The following MYO16 variants were observed in gnomAD, a reference collection of about 807,000 sequenced individuals.
MYO16 encodes myosin XVI, also known as unconventional myosin-XVI.
MYO16 carries 94 observed loss-of-function variants against 205.3 expected under a neutral mutation model. The ratio of observed to expected loss-of-function variants is 0.46; its 90% CI spans 0.39 to 0.54. The LOEUF (loss-of-function observed/expected upper bound fraction) is 0.54, where lower values mean the gene tolerates loss of function less well. Ranked by LOEUF, MYO16 falls within the 20% of genes least tolerant of loss-of-function variation. The pLI, the probability that MYO16 is intolerant of heterozygous loss-of-function variation, is 0.00. For missense variants in MYO16, 2,315 were observed against 2,387.5 expected (o/e 0.97, Z 0.63); for synonymous variants, 988 against 954.0 (o/e 1.04, Z -0.66).
chr13:108,942,884 AAGC>A (rs949572623), intron 16 of MYO16, among the ~76,000 whole-genome samples: 10 of 152,192 alleles, frequency 6.6e-5, no homozygotes, highest in African/African-American at 2.2e-4. Context: ...TGCTTCCCCC[AAGC>A]AGCTTGGAGT....
rs547847972 is a variant in MYO16 at position 108,957,802 on chromosome 13, G to A, written c.2037+3G>A. 5.6e-6 allele frequency: 9 copies of A among 1,600,752 alleles called. No homozygotes were observed. The South Asian group carries it at 9.9e-5, about 18-fold the overall frequency. On this transcript the variant is annotated splice_donor_region_variant and intron_variant, in intron 17 of 34. Coordinates refer to ENST00000457511, the MANE Select transcript of MYO16 (RefSeq NM_001198950.3). Reference sequence around the variant, plus strand: ...ATGTAGTTGGCTTCAGCAGCTTGGTGAGTCATGTCATAAATATTTCACTGA... The same window carrying A: ...ATGTAGTTGGCTTCAGCAGCTTGGTAAGTCATGTCATAAATATTTCACTGA...
At position 108,753,383 on chromosome 13, in the gene MYO16, A is replaced by AAAAAAAAAAAAC. The variant is rs1555344223; in HGVS notation, c.507+25811_507+25812insCAAAAAAAAAAA. 2.1e-3 allele frequency among the ~76,000 whole-genome samples: 306 copies of AAAAAAAAAAAAC among 147,336 alleles called. 2 individuals are homozygous for AAAAAAAAAAAAC. The highest frequency in any genetic ancestry group is 7.7e-3 in the African/African-American group (289 of 37,308). On this transcript the variant is annotated intron_variant, in intron 4 of 34. Transcript: ENST00000457511. Reference sequence around the variant, plus strand: ...AAAACTCTGTGACAAAAAAAAAAAAAAAAAAAAAAAAACAATAAAATATAA... The same window carrying AAAAAAAAAAAAC: ...AAAACTCTGTGACAAAAAAAAAAAAAAAAAAAAAAAACAAAAAAAAAAAACAATAAAATATAA...
the MYO16 span, among the ~76,000 whole-genome samples, chr13:108,581,871 C>T: frequency 6.6e-3 from 923 of 139,766 alleles, 18 homozygotes; most frequent in African/African-American, 0.024. Context: ...AGAAGCGAAA[C>T]GCTGTCTCGA....
Position 109,006,763 on chromosome 13 carries a change from A to G in MYO16, c.2443-2134A>G, listed in dbSNP as rs1885399672. ...CCGGCTTTAAGTTTTGTCTAGTATAACATAGTGGTTTAGGGTGCAGATGAG... is the reference window on the plus strand; with the variant it reads ...CCGGCTTTAAGTTTTGTCTAGTATAGCATAGTGGTTTAGGGTGCAGATGAG... On this transcript the variant is annotated intron_variant, in intron 21 of 34. Coordinates refer to ENST00000457511, the MANE Select transcript of MYO16 (RefSeq NM_001198950.3). Among the ~76,000 whole-genome samples, 3 of 152,184 alleles carry G rather than the reference A, an allele frequency of 2.0e-5. No homozygotes were observed. The South Asian group carries it at 6.2e-4, about 31-fold the overall frequency.
chr13:108,541,487 A>G, the MYO16 span, among the ~76,000 whole-genome samples: 1 of 151,918 alleles, frequency 6.6e-6, no homozygotes, highest in Non-Finnish European at 1.5e-5. Context: ...TGAATAGATA[A>G]TTGATTTTAC....
chr13:108,754,346 G>A (rs1172406044), intron 4 of MYO16, among the ~76,000 whole-genome samples: 1 of 152,206 alleles, frequency 6.6e-6, no homozygotes, highest in African/African-American at 2.4e-5. Context: ...GAATATCTAA[G>A]AGATTGCTTA....
the MYO16 span, among the ~76,000 whole-genome samples, chr13:108,536,386 A>G: frequency 3.9e-4 from 56 of 143,550 alleles, 1 homozygote; most frequent in East Asian, 0.011. Flanking sequence ...GTTGAAAATA[A>G]TGTTGCAAGA....
chr13:109,112,286 AAAG>A (rs2139740295), intron 28 of MYO16, among the ~76,000 whole-genome samples: 1 of 152,318 alleles, frequency 6.6e-6, no homozygotes, highest in Non-Finnish European at 1.5e-5. Context: ...GGTGAGTTAA[AAAG>A]CAGATAAAGG....
chr13:108,721,517 T>C (rs1261038237), intron 3 of MYO16, among the ~76,000 whole-genome samples: 1 of 152,050 alleles, frequency 6.6e-6, no homozygotes, highest in Non-Finnish European at 1.5e-5. Context: ...TTATGTGGAG[T>C]AAGTGATATC....
At chr13:108,928,679 C>T (rs1023944001) in intron 16 of MYO16, among the ~76,000 whole-genome samples, 3 of 151,926 alleles carry the variant, frequency 2.0e-5, no homozygotes, top group African/African-American at 7.3e-5. Context: ...AGGACCACAC[C>T]CAATACTATA....
At chr13:108,818,956 G>A (rs1295610430) in intron 7 of MYO16, among the ~76,000 whole-genome samples, 1 of 152,136 alleles carries the variant, frequency 6.6e-6, no homozygotes, top group African/African-American at 2.4e-5. Flanking sequence ...TAAATGCCTG[G>A]TAATAAAGCT....
intron 32 of MYO16, among the ~76,000 whole-genome samples, chr13:109,160,969 G>C (rs140657157): frequency 6.6e-6 from 1 of 152,188 alleles, no homozygotes; most frequent in African/African-American, 2.4e-5. Context: ...CACTTTACGG[G>C]AGAACCCAAC....
chr13:108,918,676 C>T (rs1253211260), intron 16 of MYO16, among the ~76,000 whole-genome samples: 3 of 152,214 alleles, frequency 2.0e-5, no homozygotes, highest in African/African-American at 7.2e-5. Flanking sequence ...CTATGGCTCA[C>T]GCCTGTAATC....
rs368766346 is a variant in MYO16 at position 109,125,097 on chromosome 13, A to G, written c.3536-15A>G. ...CTTTTCCTCCATTTACTAACCCATG[A>G]TCCTTCTATAAAAGTTATCAGAGGA... is the stretch of plus-strand genomic sequence containing the variant. On this transcript the variant is annotated splice_polypyrimidine_tract_variant and intron_variant, in intron 29 of 34. Coordinates refer to ENST00000457511, the MANE Select transcript of MYO16 (RefSeq NM_001198950.3). This position sits in a 1 kb window ranked among gnomAD's most constrained non-coding sequence, Gnocchi z 4.0. 8.1e-6 allele frequency: 13 copies of G among 1,613,268 alleles called. No homozygotes were observed. Among genetic ancestry groups the G allele is most frequent in the Admixed American group, 1.7e-5 (1 of 59,920 alleles).
rs1279836510 is a variant in MYO16, at chr13:108,964,820, G to A, written c.2287G>A (p.Ala763Thr). ...TGCTGAGTTTTTCCGAGACCTCTTGGCCAAGTCCCTGTACAGTCGTTTGTT... is the reference window on the plus strand; with the variant it reads ...TGCTGAGTTTTTCCGAGACCTCTTGACCAAGTCCCTGTACAGTCGTTTGTT... ...QIAEFFRDLLAKSLYSRLFSF... is the reference protein window; with the variant it reads ...QIAEFFRDLLTKSLYSRLFSF... The change falls in exon 20 of 35, where the codon GCC (alanine) becomes ACC (threonine). Residue 763 changes from alanine (A) to threonine (T), a missense_variant. Physicochemically the swap from Ala to Thr is moderately conservative, Grantham distance 58. Coordinates refer to ENST00000457511, the MANE Select transcript of MYO16 (RefSeq NM_001198950.3). 1 of 1,613,922 alleles carries A rather than the reference G, an allele frequency of 6.2e-7. No homozygotes were observed. Among genetic ancestry groups the A allele is most frequent in the African/African-American group, 1.3e-5 (1 of 74,886 alleles).
intron 33 of MYO16, among the ~76,000 whole-genome samples, chr13:109,178,009 C>T (rs1462314015): frequency 6.6e-6 from 1 of 152,122 alleles, no homozygotes; most frequent in Non-Finnish European, 1.5e-5. Flanking sequence ...AAGAGGTGGT[C>T]CTTCACATGA....
intron 23 of MYO16, among the ~76,000 whole-genome samples, chr13:109,035,023 C>T (rs1886671348): frequency 6.6e-6 from 1 of 152,272 alleles, no homozygotes; most frequent in Non-Finnish European, 1.5e-5. Context: ...GAAGCAGAAA[C>T]TATAATAGAT....
chr13:108,840,819 A>G (rs1179314454), intron 9 of MYO16, among the ~76,000 whole-genome samples: 1 of 152,194 alleles, frequency 6.6e-6, no homozygotes, highest in African/African-American at 2.4e-5. Context: ...CATTCTTAAA[A>G]CCATAAAACA....
rs547400776 is a variant in MYO16 at position 108,938,883 on chromosome 13, G to T, written c.1926-18805G>T. 2.6e-5 allele frequency among the ~76,000 whole-genome samples: 4 copies of T among 152,328 alleles called. No individual in the cohort carries two copies. The East Asian group carries it at 7.7e-4, about 29-fold the overall frequency. ...ACCACAATCTCAGGGGAGTAGGCTG[G>T]TGAACCCATCAATGGCACACACAGA... On this transcript the variant is annotated intron_variant, in intron 16 of 34. Coordinates refer to ENST00000457511, the MANE Select transcript of MYO16 (RefSeq NM_001198950.3).
Sources: allele counts gnomAD v4.1 joint callset (sites outside exome capture counted in the v4.1 genomes callset), GRCh38; gene constraint gnomAD v4.1.1; non-coding constraint Gnocchi (gnomAD v3.1); transcripts MANE v1.5; gene names NCBI Gene and HGNC (gene_info 2026-07-23, HGNC 2026-07-21).